The following FABP9 variants were observed in gnomAD, a reference collection of about 807,000 sequenced individuals.
FABP9 encodes fatty acid binding protein 9.
Under a neutral mutation model 14.7 loss-of-function variants are expected in FABP9, and 11 were observed. That is an observed-to-expected ratio of 0.75 (90% CI 0.47 to 1.24). FABP9 has a LOEUF of 1.24. Among genes scored for constraint, FABP9 ranks in the 50% most tolerant of loss-of-function variants. The pLI, the probability that FABP9 is intolerant of heterozygous loss-of-function variation, is 0.00. For missense variants in FABP9, 171 were observed against 158.2 expected (o/e 1.08, Z -0.44); for synonymous variants, 54 against 50.6 (o/e 1.07, Z -0.29).
intron 2 of FABP9, 62 bp downstream of exon 2, chr8:81,459,103 C>T: frequency 7.0e-7 from 1 of 1,433,280 alleles, no homozygotes; most frequent in Non-Finnish European, 9.5e-7. Flanking sequence ...TACAGTAAAC[C>T]ATGCCTAACC....
Position 81,459,290 on chromosome 8 carries a change from CT to C in FABP9, c.120del (p.Val41Ter). The C allele has an allele frequency of 1.3e-6, 2 of 1,567,210 alleles. No homozygotes were observed. The highest frequency in any genetic ancestry group is 1.7e-6 in the Non-Finnish European group (2 of 1,163,658). Reference sequence around the variant, plus strand: ...ATTTTCCCATCAACACTAATAGTTACTGTCGGTTTCACTAACCCTGCCATGT... The same window carrying C: ...ATTTTCCCATCAACACTAATAGTTACGTCGGTTTCACTAACCCTGCCATGT... ...ARNMAGLVKP[T>X]VTISVDGKMM... On this transcript the variant is annotated frameshift_variant, in exon 2 of 4. Transcript: ENST00000379071. LOFTEE classifies it high-confidence loss of function.
rs1429716255 is a variant in FABP9, at chr8:81,458,316, G to A, written c.*67C>T. The A allele has an allele frequency of 8.2e-7, 1 of 1,214,308 alleles. No homozygotes were observed. Among genetic ancestry groups the A allele is most frequent in the African/African-American group, 1.5e-5 (1 of 66,298 alleles). The allele number at this position is 1,214,308 out of a possible 1,614,324, so 75.2% of individuals were successfully genotyped here. A position where few individuals can be genotyped will look rare whatever the true frequency, so the allele number is the denominator to read the frequency against. On this transcript the variant is annotated 3_prime_UTR_variant, in exon 4 of 4. Coordinates refer to ENST00000379071, the MANE Select transcript of FABP9 (RefSeq NM_001080526.2). ...ACATTTTTTAAAAATCACCAGCCCTGAGGCATATCTTCTTCAGGTACCAGT... is the reference window on the plus strand; with the variant it reads ...ACATTTTTTAAAAATCACCAGCCCTAAGGCATATCTTCTTCAGGTACCAGT...
At position 81,459,191 on chromosome 8, in the gene FABP9, T is replaced by C. The variant is rs767564011; in HGVS notation, c.220A>G (p.Thr74Ala). ...SFKLGEEFDE[T>A]TADNRKVKST... The stretch of plus-strand genomic sequence containing the variant: ...TTTACTTTCCGGTTGTCTGCTGTAG[T>C]TTCATCAAATTCTTCCCCCAGCTTG... The change falls in exon 2 of 4, where the codon ACT becomes GCT. Residue 74 changes from threonine (T) to alanine (A), a missense_variant. Transcript: ENST00000379071. The C allele has an allele frequency of 2.5e-6, 4 of 1,590,504 alleles. No individual in the cohort carries two copies. In the East Asian group the frequency reaches 9.2e-5, roughly 37 times the overall value.
chr8:81,460,593 T>C (rs1313179988), intron 1 of FABP9, among the ~76,000 whole-genome samples: 1 of 152,188 alleles, frequency 6.6e-6, no homozygotes, highest in Non-Finnish European at 1.5e-5. Flanking sequence ...ATTGACTTAT[T>C]ATGGGGATAA....
intron 1 of FABP9, among the ~76,000 whole-genome samples, chr8:81,460,911 G>A (rs1412425643): frequency 6.6e-6 from 1 of 152,152 alleles, no homozygotes; most frequent in Non-Finnish European, 1.5e-5. Context: ...CCAGTGGTGA[G>A]ACATTCAATG....
In FABP9 at chr8:81,458,462, T is replaced by C. The variant is rs187314924; in HGVS notation, c.349-29A>G. The C allele has an allele frequency of 8.5e-4, 1,343 of 1,585,856 alleles. 2 individuals carry two copies. The highest frequency in any genetic ancestry group is 1.2e-3 in the Middle Eastern group (7 of 6,010). ...AAAGCAAAGAGGAATCTATTAGAGC[T>C]GGTAGATAACAGGCTAAACTTGCCC... is the stretch of plus-strand genomic sequence containing the variant. On this transcript the variant is annotated intron_variant, in intron 3 of 3. Transcript: ENST00000379071.
intron 2 of FABP9, 86 bp from the exon 3 acceptor site, chr8:81,458,789 T>C: frequency 1.1e-6 from 1 of 924,128 alleles, no homozygotes; most frequent in South Asian, 1.6e-5. Context: ...AATTTCTATT[T>C]TGAAATTCTT....
chr8:81,459,378 T>A (rs1807653187), intron 1 of FABP9, 41 bp from the exon 2 acceptor site: 13 of 1,454,808 alleles, frequency 8.9e-6, no homozygotes, highest in Non-Finnish European at 8.1e-6. Flanking sequence ...TAAGACATTG[T>A]TAACAATCAC....
chr8:81,459,107 C>T, intron 2 of FABP9, 58 bp downstream of exon 2: 1 of 1,464,382 alleles, frequency 6.8e-7, no homozygotes. Context: ...GTAAACCATG[C>T]CTAACCACCT....
Position 81,458,606 on chromosome 8 carries a change from A to T in FABP9, c.344T>A (p.Val115Glu). 1 of 1,610,156 alleles carries T rather than the reference A, an allele frequency of 6.2e-7. No homozygotes were observed. The highest frequency in any genetic ancestry group is 8.5e-7 in the Non-Finnish European group (1 of 1,176,672). Reference sequence around the variant, plus strand: ...TTCAATTTAAAGAAAACTTACCACTACCATTTTTTCATCCACAATTTTTCT... The same window carrying T: ...TTCAATTTAAAGAAAACTTACCACTTCCATTTTTTCATCCACAATTTTTCT... Reference protein sequence around the residue: ...IKRKIVDEKMVVECKMNNIVS... With the variant: ...IKRKIVDEKMEVECKMNNIVS... The change falls in exon 3 of 4, where the codon GTA becomes GAA. Residue 115 changes from valine (V) to glutamate (E), a missense_variant. Val to Glu is a moderately radical substitution (Grantham distance 121). Transcript: ENST00000379071.
At chr8:81,459,114 A>G (rs749105930) in intron 2 of FABP9, 51 bp downstream of exon 2, 4 of 1,506,958 alleles carry the variant, frequency 2.7e-6, no homozygotes, top group Non-Finnish European at 3.6e-6. Context: ...ATGCCTAACC[A>G]CCTTCTAACT....
Position 81,458,427 on chromosome 8 carries a change from T to C in FABP9, c.355A>G (p.Lys119Glu). ...CTGGTGCTGACAATATTATTCATTT[T>C]ACATTCCTAAAAGCAAAGAGGAATC... ...IVDEKMVVEC[K>E]MNNIVSTRIY... Residue 119 changes from lysine (K) to glutamate (E), a missense_variant, in exon 4 of 4, where the codon AAA (lysine) becomes GAA (glutamate). Lys to Glu is a moderately conservative substitution (Grantham distance 56). Coordinates refer to ENST00000379071, the MANE Select transcript of FABP9 (RefSeq NM_001080526.2). 1.9e-6 allele frequency: 3 copies of C among 1,612,096 alleles called. No homozygotes were observed. Among genetic ancestry groups the C allele is most frequent in the Non-Finnish European group, 2.5e-6 (3 of 1,178,258 alleles).
chr8:81,460,285 C>A (rs1055546193), intron 1 of FABP9, among the ~76,000 whole-genome samples: 1 of 152,188 alleles, frequency 6.6e-6, no homozygotes, highest in African/African-American at 2.4e-5. Context: ...GAGGCCTGAG[C>A]CACTGTACCC....
At chr8:81,461,142 A>G (rs1314313717) in intron 1 of FABP9, among the ~76,000 whole-genome samples, 1 of 152,218 alleles carries the variant, frequency 6.6e-6, no homozygotes, top group Non-Finnish European at 1.5e-5. Flanking sequence ...GAAAAATGTT[A>G]TTAAATGAAA....
chr8:81,458,741 T>A, intron 2 of FABP9, 38 bp from the exon 3 acceptor site: 1 of 1,372,714 alleles, frequency 7.3e-7, no homozygotes, highest in Admixed American at 1.7e-5. Context: ...AGCAACTCAC[T>A]ACCTTCTAAC....
chr8:81,459,373 C>G (rs954802888), intron 1 of FABP9, 36 bp from the exon 2 acceptor site: 78 of 1,461,304 alleles, frequency 5.3e-5, no homozygotes, highest in Non-Finnish European at 5.9e-5. Flanking sequence ...CTTATTAAGA[C>G]ATTGTTAACA....
At chr8:81,461,360 G>A (rs1807689965) in intron 1 of FABP9, 91 bp downstream of exon 1, 1 of 903,186 alleles carries the variant, frequency 1.1e-6, no homozygotes, top group Non-Finnish European at 1.9e-6. Context: ...ACAAAAGGAA[G>A]ATAATTGTAG....
At chr8:81,460,960 A>G (rs1434936904) in intron 1 of FABP9, among the ~76,000 whole-genome samples, 1 of 152,202 alleles carries the variant, frequency 6.6e-6, no homozygotes, top group African/African-American at 2.4e-5. Context: ...GTAATTCTTC[A>G]AAACCATGTT....
intron 2 of FABP9, 29 bp from the exon 3 acceptor site, chr8:81,458,732 G>C: frequency 7.0e-7 from 1 of 1,438,118 alleles, no homozygotes; most frequent in South Asian, 1.2e-5. Context: ...ATCAGAAGTA[G>C]CAACTCACTA....
Sources: allele counts gnomAD v4.1 joint callset (sites outside exome capture counted in the v4.1 genomes callset), GRCh38; gene constraint gnomAD v4.1.1; transcripts MANE v1.5; gene names NCBI Gene and HGNC (gene_info 2026-07-23, HGNC 2026-07-21).